Variants in WWOX observed in about 807,000 individuals in gnomAD.
The protein encoded by WWOX is WW domain containing oxidoreductase.
WWOX carries 69 observed loss-of-function variants against 46.2 expected under a neutral mutation model. That is an observed-to-expected ratio of 1.49 (90% CI 1.23 to 1.82). The LOEUF is 1.82. Ranked by LOEUF, WWOX falls within the 40% of genes most tolerant of loss-of-function variation. WWOX has a pLI of 0.00. For synonymous variants in WWOX, 359 were observed against 202.6 expected (o/e 1.77, Z -6.56); for missense variants, 919 against 542.6 (o/e 1.69, Z -6.89).
intron 5 of WWOX, among the ~76,000 whole-genome samples, chr16:78,319,524 TCTG>T (rs1350089234): frequency 6.6e-6 from 1 of 152,042 alleles, no homozygotes; most frequent in Non-Finnish European, 1.5e-5. Context: ...GGCCTCCCAA[TCTG>T]CTGAGATTAC....
At chr16:78,666,969 G>C (rs181226644) in intron 8 of WWOX, among the ~76,000 whole-genome samples, 1 of 152,138 alleles carries the variant, frequency 6.6e-6, no homozygotes, top group Non-Finnish European at 1.5e-5. Context: ...GGGTTAAAAG[G>C]GTTTAGGGGA....
At chr16:79,079,915 G>T (rs55943329) in intron 8 of WWOX, among the ~76,000 whole-genome samples, 9,912 of 151,652 alleles carry the variant, frequency 0.065, 433 homozygotes, top group South Asian at 0.17. Context: ...TAAGCGGAAA[G>T]ATCCTCAAGC....
At chr16:78,269,139 G>A (rs1466734214) in intron 5 of WWOX, 1 of 152,172 alleles carries the variant, frequency 6.6e-6, no homozygotes, top group Non-Finnish European at 1.5e-5. Context: ...ACCCAGAGGA[G>A]CAGCTTGAAG....
intron 5 of WWOX, among the ~76,000 whole-genome samples, chr16:78,286,856 A>G (rs2079776283): frequency 6.6e-6 from 1 of 152,198 alleles, no homozygotes; most frequent in South Asian, 2.1e-4. Context: ...TTTCATAACC[A>G]CTCAATATAT....
intron 8 of WWOX, among the ~76,000 whole-genome samples, chr16:78,829,855 T>C (rs555514176): frequency 6.6e-6 from 1 of 152,294 alleles, no homozygotes; most frequent in South Asian, 2.1e-4. Context: ...TGAGTAGTTT[T>C]ATTAATGAGA....
At chr16:78,286,531 G>A (rs1183717360) in intron 5 of WWOX, among the ~76,000 whole-genome samples, 1 of 152,102 alleles carries the variant, frequency 6.6e-6, no homozygotes, top group Non-Finnish European at 1.5e-5. Context: ...AATAATACAT[G>A]ATGTCTTCGT....
intron 1 of WWOX, among the ~76,000 whole-genome samples, chr16:78,102,303 C>T (rs1205740796): frequency 6.6e-6 from 1 of 152,154 alleles, no homozygotes; most frequent in Non-Finnish European, 1.5e-5. Context: ...CCTGCATGGC[C>T]TGTCCAGGGG....
intron 8 of WWOX, chr16:78,896,975 C>T (rs1215586597): frequency 4.6e-5 from 7 of 151,574 alleles, no homozygotes; most frequent in Non-Finnish European, 8.8e-5. Context: ...TGCTTGTAAT[C>T]GCAGCATGTT....
At chr16:78,408,583 C>T (rs1417509199) in intron 6 of WWOX, among the ~76,000 whole-genome samples, 1 of 152,192 alleles carries the variant, frequency 6.6e-6, no homozygotes, top group African/African-American at 2.4e-5. Context: ...ACTTGTGTAA[C>T]AGCTTGATCT....
intron 8 of WWOX, among the ~76,000 whole-genome samples, chr16:78,860,519 C>T (rs978134151): frequency 6.6e-6 from 1 of 152,084 alleles, no homozygotes; most frequent in South Asian, 2.1e-4. Flanking sequence ...AAAAATGGAC[C>T]TCTTATCATG....
At chr16:78,752,421 G>A (rs998216787) in intron 8 of WWOX, among the ~76,000 whole-genome samples, 6 of 152,134 alleles carry the variant, frequency 3.9e-5, no homozygotes, top group Non-Finnish European at 7.3e-5. Context: ...CTGAGTAGCT[G>A]GGATTACAGG....
intron 8 of WWOX, among the ~76,000 whole-genome samples, chr16:78,641,668 C>T (rs529282579): frequency 2.0e-5 from 3 of 152,096 alleles, no homozygotes; most frequent in Non-Finnish European, 2.9e-5. Flanking sequence ...GTTAAACGGC[C>T]CCGCAGATTG....
rs534034506 is a variant in WWOX, at chr16:78,596,518, C to T, written c.1056+163766C>T. ...AGGTGACTTCCAAGATTGAGGTTGG[C>T]GAGATCGTGACAGGTGTGCAAGATG... On this transcript the variant is annotated intron_variant, in intron 8 of 8. Coordinates refer to ENST00000566780, the MANE Select transcript of WWOX (RefSeq NM_016373.4). Among the ~76,000 whole-genome samples the T allele has an allele frequency of 2.1e-4, 32 of 152,098 alleles. No homozygotes were observed. The South Asian group carries it at 2.5e-3, about 12-fold the overall frequency.
intron 8 of WWOX, among the ~76,000 whole-genome samples, chr16:79,151,941 A>G (rs947993341): frequency 1.3e-5 from 2 of 152,080 alleles, no homozygotes; most frequent in South Asian, 4.1e-4. Context: ...ATAGCCGAGG[A>G]TATCTGGGCT....
At chr16:78,615,472 G>T (rs1125677) in intron 8 of WWOX, among the ~76,000 whole-genome samples, 65,637 of 151,736 alleles carry the variant, frequency 0.43, 16,203 homozygotes, top group Middle Eastern at 0.59. Context: ...AGCATAGCAC[G>T]ACCCATCTCT....
intron 5 of WWOX, among the ~76,000 whole-genome samples, chr16:78,240,523 T>C (rs544694263): frequency 6.6e-6 from 1 of 152,252 alleles, no homozygotes; most frequent in South Asian, 2.1e-4. Context: ...TTCAGACTTC[T>C]GGTCTCCTGA....
chr16:78,326,032 A>G (rs981199231), intron 5 of WWOX, among the ~76,000 whole-genome samples: 6 of 152,158 alleles, frequency 3.9e-5, no homozygotes, highest in African/African-American at 1.4e-4. Context: ...AGAGTTATCT[A>G]GCATTGTACC....
At position 78,355,971 on chromosome 16, in the gene WWOX, T is replaced by C. The variant is rs1344990299; in HGVS notation, c.517-30889T>C. On this transcript the variant is annotated intron_variant, in intron 5 of 8. Transcript: ENST00000566780. Reference sequence around the variant, plus strand: ...TCTGGGGATTCTTCCACTCCTGAAATGAGTTGATTTGCAGATAATTCACAA... The same window carrying C: ...TCTGGGGATTCTTCCACTCCTGAAACGAGTTGATTTGCAGATAATTCACAA... 2.1e-5 allele frequency: 4 copies of C among 189,840 alleles called. No homozygotes were observed. The South Asian group carries it at 4.9e-4, about 23-fold the overall frequency. The allele number at this position is 189,840 out of a possible 1,614,324, so 11.8% of individuals were successfully genotyped here.
chr16:78,568,531 A>G (rs1324668300), intron 8 of WWOX, among the ~76,000 whole-genome samples: 1 of 140,812 alleles, frequency 7.1e-6, no homozygotes, highest in East Asian at 2.1e-4. Context: ...GCTGGAGTGC[A>G]GTGGCCCGAT....
Sources: gnomAD v4.1 joint callset for allele counts (sites outside exome capture counted in the v4.1 genomes callset) on GRCh38, gnomAD v4.1.1 for gene constraint, MANE v1.5 for transcripts, NCBI Gene and HGNC (gene_info 2026-07-23, HGNC 2026-07-21) for gene names.